FHIT: variants seen among roughly 807,000 people sequenced by gnomAD.
FHIT encodes bis(5'-adenosyl)-triphosphatase.
Under a neutral mutation model 17.9 loss-of-function variants are expected in FHIT, and 19 were observed. The ratio of observed to expected loss-of-function variants is 1.06; its 90% CI spans 0.74 to 1.56. The LOEUF (loss-of-function observed/expected upper bound fraction) is 1.56, where lower values mean the gene tolerates loss of function less well. FHIT is among the 40% of genes most tolerant of loss of function. FHIT has a pLI of 0.00. For missense variants in FHIT, 248 were observed against 189.2 expected, an observed-to-expected ratio of 1.31 and a Z score of -1.82; for synonymous variants, 81 against 69.7, an observed-to-expected ratio of 1.16 and a Z score of -0.81.
chr3:60,147,803 A>G (rs1453935699), intron 5 of FHIT, among the ~76,000 whole-genome samples: 1 of 152,130 alleles, frequency 6.6e-6, no homozygotes. Context: ...TGTGTGCCTC[A>G]TGGAGCAACG....
chr3:60,598,191 G>A (rs1303021616), intron 4 of FHIT, among the ~76,000 whole-genome samples: 1 of 152,054 alleles, frequency 6.6e-6, no homozygotes, highest in Non-Finnish European at 1.5e-5. Flanking sequence ...GATTTGGGGG[G>A]ACAATTTAAA....
At chr3:61,108,566 G>A (rs1383178268) in intron 2 of FHIT, among the ~76,000 whole-genome samples, 1 of 152,138 alleles carries the variant, frequency 6.6e-6, no homozygotes, top group Admixed American at 6.6e-5. Context: ...TACCCATTAA[G>A]GTAAAGGACC....
At chr3:60,392,414 G>A (rs1032652125) in intron 5 of FHIT, among the ~76,000 whole-genome samples, 2 of 152,156 alleles carry the variant, frequency 1.3e-5, no homozygotes, top group African/African-American at 4.8e-5. Context: ...CGAATATGAA[G>A]CCTACAGTGG....
chr3:60,671,424 T>C lies in FHIT; in HGVS notation c.-17-134445A>G, dbSNP rs371163398. Among the ~76,000 whole-genome samples, 7 of 152,100 alleles carry C rather than the reference T, an allele frequency of 4.6e-5. No individual in the cohort carries two copies. The East Asian group carries it at 9.7e-4, about 21-fold the overall frequency. ...TTTCAAAATCACTGCAGCTGATGAA[T>C]TGACAAATAGAAAGAAGGGGTAACA... On this transcript the variant is annotated intron_variant, in intron 4 of 9. Coordinates refer to ENST00000492590, the MANE Select transcript of FHIT (RefSeq NM_002012.4).
chr3:60,406,840 A>G (rs989233762), intron 5 of FHIT, among the ~76,000 whole-genome samples: 21 of 152,122 alleles, frequency 1.4e-4, no homozygotes, highest in African/African-American at 5.1e-4. Context: ...ACATTTCCCA[A>G]TTCAGGCCAA....
intron 5 of FHIT, among the ~76,000 whole-genome samples, chr3:60,332,051 G>A (rs374996905): frequency 6.6e-6 from 1 of 152,006 alleles, no homozygotes; most frequent in South Asian, 2.1e-4. Flanking sequence ...ACTAGAACAA[G>A]TGCCACTAGA....
intron 3 of FHIT, among the ~76,000 whole-genome samples, chr3:61,011,058 C>T (rs2031762286): frequency 6.6e-6 from 1 of 152,100 alleles, no homozygotes; most frequent in African/African-American, 2.4e-5. Flanking sequence ...CCTTTCTTTC[C>T]ACAAGGTGGA....
At chr3:60,869,778 A>T (rs1704325181) in intron 3 of FHIT, among the ~76,000 whole-genome samples, 1 of 152,106 alleles carries the variant, frequency 6.6e-6, no homozygotes, top group African/African-American at 2.4e-5. Context: ...CCAGAGTTTA[A>T]GCAAGGGCCA....
chr3:60,996,119 C>T (rs1046778575), intron 3 of FHIT, among the ~76,000 whole-genome samples: 1 of 152,182 alleles, frequency 6.6e-6, no homozygotes, highest in African/African-American at 2.4e-5. Flanking sequence ...CACCACTTCT[C>T]ACTTGCTTAT....
intron 4 of FHIT, chr3:60,732,000 G>T: frequency 2.7e-6 from 1 of 376,828 alleles, no homozygotes; most frequent in South Asian, 3.2e-5. Flanking sequence ...AATCCAGCTA[G>T]GGAACAAGGA....
At chr3:60,973,973 T>A (rs1710133118) in intron 3 of FHIT, among the ~76,000 whole-genome samples, 1 of 152,212 alleles carries the variant, frequency 6.6e-6, no homozygotes, top group Admixed American at 6.5e-5. Flanking sequence ...ATCACCTGTT[T>A]ATTATCCAGG....
At chr3:60,791,128 A>G (rs782780870) in intron 4 of FHIT, among the ~76,000 whole-genome samples, 3 of 152,160 alleles carry the variant, frequency 2.0e-5, no homozygotes, top group Non-Finnish European at 4.4e-5. Flanking sequence ...AGTAGGAGAG[A>G]AGAGGGAACA....
intron 4 of FHIT, among the ~76,000 whole-genome samples, chr3:60,789,015 A>G (rs979039897): frequency 6.6e-6 from 1 of 151,978 alleles, no homozygotes; most frequent in East Asian, 1.9e-4. Flanking sequence ...CTGGCTAAAG[A>G]CATTCCCTAA....
intron 7 of FHIT, among the ~76,000 whole-genome samples, chr3:59,988,671 C>T (rs1404462394): frequency 1.3e-5 from 2 of 152,036 alleles, no homozygotes; most frequent in African/African-American, 2.4e-5. Context: ...ACACTTGTGC[C>T]TAAGGGTTTC....
chr3:61,136,391 C>A (rs568542512), intron 2 of FHIT, among the ~76,000 whole-genome samples: 1 of 152,124 alleles, frequency 6.6e-6, no homozygotes, highest in African/African-American at 2.4e-5. Context: ...TGATTTGGAA[C>A]CTGTTTATGG....
intron 3 of FHIT, among the ~76,000 whole-genome samples, chr3:60,903,585 C>A (rs1417661825): frequency 4.6e-5 from 7 of 152,156 alleles, no homozygotes; most frequent in Non-Finnish European, 1.0e-4. Context: ...CAACTACATT[C>A]CTTTATACAT....
At position 60,550,625 on chromosome 3, in the gene FHIT, T is replaced by G. The variant is rs867970125; in HGVS notation, c.-17-13646A>C. On this transcript the variant is annotated intron_variant, in intron 4 of 9. Transcript: ENST00000492590. ...TCTGTTCTGTCATTTTTTTTTTTTT[T>G]GTAAACCTACTTGTTTTACATATTT... Among the ~76,000 whole-genome samples the G allele has an allele frequency of 5.9e-3, 760 of 127,738 alleles. 8 individuals carry two copies. The highest frequency in any genetic ancestry group is 0.02 in the African/African-American group (676 of 34,250). 83.8% of individuals were successfully genotyped at this position (127,738 alleles called of 152,430 possible).
chr3:60,647,785 GA>G (rs771711499), intron 4 of FHIT, among the ~76,000 whole-genome samples: 112 of 152,190 alleles, frequency 7.4e-4, no homozygotes, highest in Non-Finnish European at 1.4e-3. Flanking sequence ...GAAATATGTA[GA>G]ATACATACAA....
chr3:59,993,459 G>A (rs946879731), intron 7 of FHIT, among the ~76,000 whole-genome samples: 1 of 151,938 alleles, frequency 6.6e-6, no homozygotes, highest in African/African-American at 2.4e-5. Flanking sequence ...TTTAAGAGAG[G>A]TGTTCATTCA....
Sources: gnomAD v4.1 joint callset for allele counts (sites outside exome capture counted in the v4.1 genomes callset) on GRCh38, gnomAD v4.1.1 for gene constraint, MANE v1.5 for transcripts, NCBI Gene and HGNC (gene_info 2026-07-23, HGNC 2026-07-21) for gene names.